The following SYTL2 variants were observed in gnomAD, a reference collection of about 807,000 sequenced individuals.
The protein encoded by SYTL2 is synaptotagmin like 2, also known as synaptotagmin-like protein 2.
In SYTL2, 165 loss-of-function variants were observed where a neutral mutation model predicts 198.7. The observed-to-expected ratio is 0.83, with a 90% CI of 0.73 to 0.94. SYTL2 has a LOEUF of 0.94. Among genes scored for constraint, SYTL2 ranks in the 40% least tolerant of loss-of-function variants. The pLI, the probability that SYTL2 is intolerant of heterozygous loss-of-function variation, is 0.00. For missense variants in SYTL2, 2,835 were observed against 2,582.8 expected, an observed-to-expected ratio of 1.10 and a Z score of -2.12; for synonymous variants, 966 against 917.7, an observed-to-expected ratio of 1.05 and a Z score of -0.95.
chr11:85,800,798 G>A (rs1403348099), intron 1 of SYTL2, among the ~76,000 whole-genome samples: 2 of 152,156 alleles, frequency 1.3e-5, no homozygotes, highest in East Asian at 1.9e-4. Flanking sequence ...GAATCTGACC[G>A]GTAGAGCCAC....
chr11:85,753,010 T>C (rs563618225), intron 2 of SYTL2, among the ~76,000 whole-genome samples: 11 of 143,508 alleles, frequency 7.7e-5, no homozygotes, highest in Admixed American at 2.9e-4. Context: ...GTTGAGATCG[T>C]ATCTACTGCA....
intron 1 of SYTL2, among the ~76,000 whole-genome samples, chr11:85,789,743 C>A (rs1399287553): frequency 6.6e-6 from 1 of 151,934 alleles, no homozygotes; most frequent in Admixed American, 6.6e-5. Flanking sequence ...TTAGAAAGAA[C>A]AAGGGATGTA....
At chr11:85,733,495 A>T (rs2090006746) in intron 7 of SYTL2, 2 of 154,000 alleles carry the variant, frequency 1.3e-5, no homozygotes, top group East Asian at 1.9e-4. Flanking sequence ...TTCCAGTGGC[A>T]TCTGTCTGAA....
intron 1 of SYTL2, among the ~76,000 whole-genome samples, chr11:85,804,015 G>A (rs992469884): frequency 1.3e-5 from 2 of 152,120 alleles, no homozygotes; most frequent in South Asian, 4.1e-4. Context: ...TCTAAGTAAA[G>A]GACTATAAAT....
the SYTL2 span, among the ~76,000 whole-genome samples, chr11:85,846,037 T>C: frequency 6.6e-6 from 1 of 152,226 alleles, no homozygotes; most frequent in East Asian, 1.9e-4. Flanking sequence ...TGAGATTAAC[T>C]CAGCTATACT....
At chr11:85,821,520 G>A in the SYTL2 span, among the ~76,000 whole-genome samples, 2 of 152,322 alleles carry the variant, frequency 1.3e-5, no homozygotes, top group African/African-American at 4.8e-5. Context: ...GTGTTAGGAA[G>A]CAAAGGGAGC....
At chr11:85,827,648 G>T in the SYTL2 span, among the ~76,000 whole-genome samples, 1 of 152,052 alleles carries the variant, frequency 6.6e-6, no homozygotes, top group Non-Finnish European at 1.5e-5. Context: ...AGTAAGTTCT[G>T]GGTATCTGTC....
At chr11:85,742,607 T>C (rs191815817) in intron 4 of SYTL2, among the ~76,000 whole-genome samples, 4 of 152,378 alleles carry the variant, frequency 2.6e-5, no homozygotes, top group Admixed American at 2.6e-4. Context: ...GAAGAACTAT[T>C]TATAGCAAAC....
At chr11:85,749,941 G>A (rs774210190) in intron 2 of SYTL2, among the ~76,000 whole-genome samples, 5 of 152,156 alleles carry the variant, frequency 3.3e-5, no homozygotes, top group Non-Finnish European at 7.3e-5. Context: ...ATCTTGCAGA[G>A]TGGAGGAATA....
intron 14 of SYTL2, among the ~76,000 whole-genome samples, chr11:85,707,750 G>A (rs1159804489): frequency 2.0e-5 from 3 of 151,660 alleles, no homozygotes; most frequent in South Asian, 2.1e-4. Context: ...GATTTTTAAC[G>A]GGCATTTCCT....
Position 85,714,773 on chromosome 11 carries a change from G to T in SYTL2, c.5531-266C>A, listed in dbSNP as rs555110594. 4.8e-5 allele frequency: 41 copies of T among 856,666 alleles called. No homozygotes were observed. The East Asian group carries it at 2.7e-3, about 56-fold the overall frequency. The allele number at this position is 856,666 out of a possible 1,614,324, so 53.1% of individuals were successfully genotyped here. A position where few individuals can be genotyped will look rare whatever the true frequency, so the allele number is the denominator to read the frequency against. On this transcript the variant is annotated intron_variant, in intron 11 of 19. Transcript: ENST00000359152. ...CATTAGTTTTTATTGAACTGGAGCT[G>T]CACTTGAATCAAATTATACTGTCAG...
At chr11:85,792,367 G>T (rs1275793138) in intron 1 of SYTL2, among the ~76,000 whole-genome samples, 1 of 152,034 alleles carries the variant, frequency 6.6e-6, no homozygotes, top group African/African-American at 2.4e-5. Context: ...GCTTTTCTAT[G>T]TTCTAAGTCA....
the SYTL2 span, chr11:85,853,885 C>T: frequency 3.9e-5 from 6 of 152,148 alleles, no homozygotes; most frequent in Admixed American, 6.5e-5. Flanking sequence ...GACAGAGGCT[C>T]GCTCTGTCAC....
Position 85,727,929 on chromosome 11 carries a change from C to G in SYTL2, c.1429G>C (p.Val477Leu). Residue 477 changes from valine (V) to leucine (L), a missense_variant, in exon 8 of 20, where the codon GTG (valine) becomes CTG (leucine). Around this residue, in one of 3 missense-constraint regions of SYTL2, gnomAD observed 2,645 missense variants for 2,381.7 expected, o/e 1.11. Coordinates refer to ENST00000359152, the MANE Select transcript of SYTL2 (RefSeq NM_206927.4). ...SHCVEPEPSQ[V>L]PGGSSRDRQQ... Reference sequence around the variant, plus strand: ...CGGTCTCTAGAACTGCCACCTGGCACCTGAGATGGCTCAGGCTCAACACAA... The same window carrying G: ...CGGTCTCTAGAACTGCCACCTGGCAGCTGAGATGGCTCAGGCTCAACACAA... 6.2e-7 allele frequency: 1 copy of G among 1,613,056 alleles called. No individual in the cohort carries two copies. Among genetic ancestry groups the G allele is most frequent in the Non-Finnish European group, 8.5e-7 (1 of 1,179,682 alleles).
chr11:85,782,584 C>A (rs796469320), intron 1 of SYTL2, among the ~76,000 whole-genome samples: 4 of 152,310 alleles, frequency 2.6e-5, no homozygotes, highest in African/African-American at 9.6e-5. Context: ...AACTTTTATG[C>A]TCTGCTTCTT....
At chr11:85,705,489 C>T (rs2084987247) in intron 15 of SYTL2, among the ~76,000 whole-genome samples, 2 of 152,070 alleles carry the variant, frequency 1.3e-5, no homozygotes, top group Admixed American at 1.3e-4. Context: ...TCCCATATGC[C>T]ATGTATGCTG....
the SYTL2 span, among the ~76,000 whole-genome samples, chr11:85,822,638 T>C: frequency 6.6e-6 from 1 of 152,208 alleles, no homozygotes; most frequent in Non-Finnish European, 1.5e-5. Context: ...TCAGAAACTA[T>C]AGCTGTGCTC....
intron 7 of SYTL2, 143 bp from the exon 8 acceptor site, chr11:85,728,110 T>C: frequency 1.4e-6 from 1 of 706,690 alleles, no homozygotes; most frequent in Non-Finnish European, 2.2e-6. Context: ...TTTCAGGGGT[T>C]AAAATGTAAG....
chr11:85,816,472 G>A, the SYTL2 span, among the ~76,000 whole-genome samples: 5 of 152,196 alleles, frequency 3.3e-5, no homozygotes, highest in African/African-American at 1.2e-4. Context: ...GTTACCAGGG[G>A]CTAGGGAGGA....
Sources: allele counts gnomAD v4.1 joint callset (sites outside exome capture counted in the v4.1 genomes callset), GRCh38; gene constraint gnomAD v4.1.1; regional missense constraint gnomAD v4.1.1; transcripts MANE v1.5; gene names NCBI Gene and HGNC (gene_info 2026-07-23, HGNC 2026-07-21).